SNRNP48: variants seen among roughly 807,000 people sequenced by gnomAD.
The protein encoded by SNRNP48 is small nuclear ribonucleoprotein U11/U12 subunit 48.
A neutral mutation model predicts 47.0 loss-of-function variants in SNRNP48; 43 were observed. That is an observed-to-expected ratio of 0.92 (90% CI 0.72 to 1.18). SNRNP48 has a LOEUF of 1.18. Ranked by LOEUF, SNRNP48 falls within the 50% of genes most tolerant of loss-of-function variation. The probability of loss-of-function intolerance (pLI) is 0.00; values close to 1 mark genes in which losing one functional copy is unlikely to be tolerated. For synonymous variants in SNRNP48, 138 were observed against 144.0 expected (o/e 0.96, Z 0.30); for missense variants, 396 against 422.2 (o/e 0.94, Z 0.54).
At chr6:7,595,147 T>G (rs752956129) in intron 4 of SNRNP48, 46 bp downstream of exon 4, 5 of 1,455,228 alleles carry the variant, frequency 3.4e-6, no homozygotes, top group Non-Finnish European at 9.3e-7. Context: ...GAAATTATTA[T>G]TTTTCTCATA....
chr6:7,601,704 C>T (rs536442790), intron 5 of SNRNP48, among the ~76,000 whole-genome samples, 180 bp downstream of exon 5: 2 of 152,198 alleles, frequency 1.3e-5, no homozygotes, highest in Non-Finnish European at 1.5e-5. Flanking sequence ...ATTTGACCAA[C>T]GGTGGATTGA....
In SNRNP48 at chr6:7,605,411, T is replaced by G; in HGVS notation, c.731T>G (p.Val244Gly). ...ACCTCTCCCAAGGTGATTCGAGATG[T>G]GATAAATGTGCACATGGAAGAACTC... ...KKSYTEVIRD[V>G]INVHMEELSN... Residue 244 changes from valine (V) to glycine (G), a missense_variant, in exon 7 of 9, where the codon GTG becomes GGG. Val to Gly is a moderately radical substitution (Grantham distance 109, BLOSUM62 -3). Transcript: ENST00000342415. 6.2e-7 allele frequency: 1 copy of G among 1,613,962 alleles called. No individual in the cohort carries two copies.
intron 4 of SNRNP48, chr6:7,600,265 T>C (rs1477837435): frequency 4.3e-6 from 4 of 920,000 alleles, no homozygotes; most frequent in Non-Finnish European, 5.2e-6. Flanking sequence ...CTCTTTTTTG[T>C]TGTAATGCTT....
At chr6:7,600,339 C>CT (rs777357282) in intron 4 of SNRNP48, 57 of 316,372 alleles carry the variant, frequency 1.8e-4, no homozygotes, top group Non-Finnish European at 2.4e-4. Context: ...TGAGGTTAGA[C>CT]TTTATCAAAT....
At chr6:7,594,495 A>G (rs1206467755) in intron 3 of SNRNP48, among the ~76,000 whole-genome samples, 3 of 152,194 alleles carry the variant, frequency 2.0e-5, no homozygotes, top group African/African-American at 2.4e-5. Context: ...GACAGCATAT[A>G]TAGAGGTTAA....
rs972207356 is a variant in SNRNP48, at chr6:7,608,311, C to T, written c.972-514C>T. On this transcript the variant is annotated intron_variant, in intron 8 of 8. Transcript: ENST00000342415. ...GTGGCTCATGCCTGTAATCCCAGCA[C>T]TTTGGGAGGCCAAGGCGGGTGGATC... Among the ~76,000 whole-genome samples the T allele has an allele frequency of 1.1e-4, 17 of 152,106 alleles. No homozygotes were observed. The East Asian group carries it at 1.4e-3, about 12-fold the overall frequency.
At chr6:7,595,600 G>A (rs1361001066) in intron 4 of SNRNP48, among the ~76,000 whole-genome samples, 1 of 152,122 alleles carries the variant, frequency 6.6e-6, no homozygotes, top group Non-Finnish European at 1.5e-5. Context: ...GTAAGTCAAG[G>A]AACATCTATA....
At position 7,603,859 on chromosome 6, in the gene SNRNP48, G is replaced by A. The variant is rs115121367; in HGVS notation, c.717+1115G>A. On this transcript the variant is annotated intron_variant, in intron 6 of 8. Coordinates refer to ENST00000342415, the MANE Select transcript of SNRNP48 (RefSeq NM_152551.4). ...TGGCTCATCAGTTATTTCTTCTCTC[G>A]TCTCATAACCCTTGTAATCAAGCTT... Among the ~76,000 whole-genome samples the A allele has an allele frequency of 2.0e-3, 298 of 152,260 alleles. 2 individuals carry two copies. Among genetic ancestry groups the A allele is most frequent in the African/African-American group, 6.9e-3 (286 of 41,570 alleles).
intron 8 of SNRNP48, among the ~76,000 whole-genome samples, chr6:7,607,596 C>A (rs4959445): frequency 0.28 from 42,548 of 151,998 alleles, 6,785 homozygotes; most frequent in Middle Eastern, 0.4. Context: ...TTTCCTGAAG[C>A]CTTTTTCTCA....
chr6:7,595,139 AATT>A, intron 4 of SNRNP48, 38 bp downstream of exon 4: 1 of 1,481,120 alleles, frequency 6.8e-7, no homozygotes, highest in Non-Finnish European at 9.1e-7. Flanking sequence ...TAAAGAATGA[AATT>A]ATTATTTTTC....
At chr6:7,595,212 G>T in intron 4 of SNRNP48, 111 bp downstream of exon 4, 1 of 899,992 alleles carries the variant, frequency 1.1e-6, no homozygotes. Context: ...ACATGGGAAA[G>T]GTAAAGTTTT....
intron 5 of SNRNP48, among the ~76,000 whole-genome samples, chr6:7,601,909 A>G (rs1457929113): frequency 2.6e-5 from 4 of 152,040 alleles, no homozygotes; most frequent in Non-Finnish European, 5.9e-5. Flanking sequence ...GCTGGAATGC[A>G]GTAGCGCGAT....
At chr6:7,593,170 G>T (rs1326250189) in intron 1 of SNRNP48, among the ~76,000 whole-genome samples, 1 of 152,008 alleles carries the variant, frequency 6.6e-6, no homozygotes, top group Non-Finnish European at 1.5e-5. Flanking sequence ...ACAGCAAAAG[G>T]TCAGTGGTTA....
chr6:7,602,486 A>G, intron 5 of SNRNP48, 137 bp from the exon 6 acceptor site: 2 of 642,762 alleles, frequency 3.1e-6, no homozygotes, highest in Non-Finnish European at 4.8e-6. Flanking sequence ...GTATATAAAT[A>G]ATATACAATT....
At chr6:7,593,176 G>A (rs951444468) in intron 1 of SNRNP48, among the ~76,000 whole-genome samples, 2 of 151,970 alleles carry the variant, frequency 1.3e-5, no homozygotes, top group African/African-American at 4.8e-5. Flanking sequence ...AAAGGTCAGT[G>A]GTTATATTAA....
intron 8 of SNRNP48, among the ~76,000 whole-genome samples, chr6:7,607,662 A>G (rs1760156493): frequency 6.6e-6 from 1 of 152,198 alleles, no homozygotes; most frequent in Non-Finnish European, 1.5e-5. Flanking sequence ...TACCTAGCTT[A>G]TAGTTGTTCT....
intron 8 of SNRNP48, 22 bp from the exon 9 acceptor site, chr6:7,608,803 T>G: frequency 6.9e-7 from 1 of 1,448,404 alleles, no homozygotes. Context: ...ATAACCATTT[T>G]TTTATACCTC....
At chr6:7,592,920 G>GAGAA (rs1759844405) in intron 1 of SNRNP48, among the ~76,000 whole-genome samples, 2 of 152,124 alleles carry the variant, frequency 1.3e-5, no homozygotes, top group African/African-American at 4.8e-5. Context: ...GGTGATGAGG[G>GAGAA]AGAAGTAGTT....
chr6:7,600,416 TTAGCA>T, intron 4 of SNRNP48: 1 of 157,972 alleles, frequency 6.3e-6, no homozygotes, highest in African/African-American at 2.4e-5. Flanking sequence ...TTAGAATAAG[TTAGCA>T]AACAATAAAA....
Sources: gnomAD v4.1 joint callset for allele counts (sites outside exome capture counted in the v4.1 genomes callset) on GRCh38, gnomAD v4.1.1 for gene constraint, MANE v1.5 for transcripts, NCBI Gene and HGNC (gene_info 2026-07-23, HGNC 2026-07-21) for gene names.